WDR89: variants seen among roughly 807,000 people sequenced by gnomAD.
WDR89 encodes WD repeat domain 89, also known as WD repeat-containing protein 89.
Under a neutral mutation model 29.1 loss-of-function variants are expected in WDR89, and 17 were observed. That is an observed-to-expected ratio of 0.58 (90% confidence interval 0.40 to 0.88). The LOEUF is 0.88. WDR89 is among the 40% of genes least tolerant of loss of function. WDR89 has a pLI of 0.00. For missense variants in WDR89, 396 were observed against 456.3 expected (o/e 0.87, Z 1.20); for synonymous variants, 138 against 157.8 (o/e 0.87, Z 0.94).
At position 63,599,300 on chromosome 14, in the gene WDR89, A is replaced by G. The variant is rs768567956; in HGVS notation, c.643T>C (p.Ser215Pro). 1 of 1,614,012 alleles carries G rather than the reference A, an allele frequency of 6.2e-7. No individual in the cohort carries two copies. ...CCAATACAGCTTACTGATGAAATTG[A>G]GTTACAGGTTGTAACCAGTGCATCC... is the stretch of plus-strand genomic sequence containing the variant. ...EEDALVTTCN[S>P]ISSVSCIGWS... Residue 215 changes from serine (S) to proline (P), a missense_variant, in exon 3 of 3, where the codon TCA becomes CCA. Coordinates refer to ENST00000620954, the MANE Select transcript of WDR89 (RefSeq NM_080666.4).
At chr14:63,624,535 A>G (rs1215241798) in intron 2 of WDR89, among the ~76,000 whole-genome samples, 1 of 151,816 alleles carries the variant, frequency 6.6e-6, no homozygotes, top group African/African-American at 2.4e-5. Context: ...GAAAATGCCA[A>G]CTACAGACTG....
chr14:63,617,859 A>G (rs748155060), intron 2 of WDR89, among the ~76,000 whole-genome samples: 1 of 152,206 alleles, frequency 6.6e-6, no homozygotes, highest in Admixed American at 6.6e-5. Flanking sequence ...AATTGGTTAG[A>G]TGCCTGACAC....
At chr14:63,639,309 C>G (rs1433047498) in intron 1 of WDR89, among the ~76,000 whole-genome samples, 1 of 144,554 alleles carries the variant, frequency 6.9e-6, no homozygotes, top group Admixed American at 7.1e-5. Flanking sequence ...TGCTTGAGCC[C>G]AGGAGTTTGA....
At chr14:63,633,004 C>T (rs1346094577) in intron 1 of WDR89, among the ~76,000 whole-genome samples, 2 of 152,064 alleles carry the variant, frequency 1.3e-5, no homozygotes. Context: ...GCTTTACTAA[C>T]TATATGTTTC....
At chr14:63,603,946 G>T (rs1422149454) in intron 2 of WDR89, among the ~76,000 whole-genome samples, 1 of 152,166 alleles carries the variant, frequency 6.6e-6, no homozygotes, top group Admixed American at 6.6e-5. Context: ...TCCTGCCTCA[G>T]GACTGCAGCA....
chr14:63,638,819 T>G (rs1405443012), intron 1 of WDR89, among the ~76,000 whole-genome samples: 3 of 152,352 alleles, frequency 2.0e-5, no homozygotes, highest in African/African-American at 7.2e-5. Context: ...TGTTTTACTC[T>G]TCTTTATACC....
chr14:63,601,962 G>T, intron 2 of WDR89: 1 of 407,974 alleles, frequency 2.5e-6, no homozygotes, highest in Non-Finnish European at 4.4e-6. Context: ...CTTCTATTGT[G>T]CTTTCTCATC....
At chr14:63,605,154 C>CTG (rs1895254180) in intron 2 of WDR89, among the ~76,000 whole-genome samples, 1 of 128,390 alleles carries the variant, frequency 7.8e-6, no homozygotes, top group African/African-American at 4.5e-5. Context: ...TGCTGTCTGT[C>CTG]TCTCTCTCTC....
intron 2 of WDR89, among the ~76,000 whole-genome samples, chr14:63,611,867 T>C (rs1433780110): frequency 4.6e-5 from 7 of 151,712 alleles, no homozygotes; most frequent in Middle Eastern, 3.2e-3. Context: ...GCTGGGATTA[T>C]AGACGTGCAC....
At chr14:63,627,150 A>ACTCTCTCTCTCT (rs35230660) in intron 1 of WDR89, among the ~76,000 whole-genome samples, 9 of 127,266 alleles carry the variant, frequency 7.1e-5, no homozygotes, top group African/African-American at 9.6e-5. Context: ...ACACACACAC[A>ACTCTCTCTCTCT]CTCTCTCTCT....
chr14:63,599,453 C>T lies in WDR89; in HGVS notation c.490G>A (p.Ala164Thr). 3 of 1,614,180 alleles carry T rather than the reference C, an allele frequency of 1.9e-6. No homozygotes were observed. Among genetic ancestry groups the T allele is most frequent in the African/African-American group, 1.3e-5 (1 of 75,050 alleles). Reference sequence around the variant, plus strand: ...TCATCACTATGTGTCTCTGAATATGCACCAAGTGAGTCTTTAGTTGTAGAT... The same window carrying T: ...TCATCACTATGTGTCTCTGAATATGTACCAAGTGAGTCTTTAGTTGTAGAT... ...NLSTTKDSLG[A>T]YSETHSDDVT... is the part of the protein sequence containing the mutation. The change falls in exon 3 of 3, where the codon GCA becomes ACA. Residue 164 changes from alanine (A) to threonine (T), a missense_variant. Transcript: ENST00000620954.
chr14:63,639,565 C>T (rs1014472550), intron 1 of WDR89, among the ~76,000 whole-genome samples: 1 of 151,966 alleles, frequency 6.6e-6, no homozygotes, highest in Non-Finnish European at 1.5e-5. Context: ...GACAGTTTGG[C>T]GATAATCTGT....
At chr14:63,627,524 T>C (rs1032140115) in intron 1 of WDR89, among the ~76,000 whole-genome samples, 1 of 152,184 alleles carries the variant, frequency 6.6e-6, no homozygotes, top group Non-Finnish European at 1.5e-5. Flanking sequence ...TCCATCATTA[T>C]ATAACTGTTT....
chr14:63,598,945 T>C lies in WDR89; in HGVS notation c.998A>G (p.Asp333Gly). The C allele has an allele frequency of 6.2e-7, 1 of 1,614,238 alleles. No individual in the cohort carries two copies. The highest frequency in any genetic ancestry group is 8.5e-7 in the Non-Finnish European group (1 of 1,180,036). The change falls in exon 3 of 3, where the codon GAT becomes GGT. Residue 333 changes from aspartate (D) to glycine (G), a missense_variant. Coordinates refer to ENST00000620954, the MANE Select transcript of WDR89 (RefSeq NM_080666.4). The stretch of plus-strand genomic sequence containing the variant: ...TTCTCCTCCAGTCAACAAAGAATCA[T>C]CTTGCACATTCCAACAGAAAGAACG... Reference protein sequence around the residue: ...TVRSFCWNVQDDSLLTGGEDA... With the variant: ...TVRSFCWNVQGDSLLTGGEDA...
Position 63,597,576 on chromosome 14 carries a change from T to C in WDR89, c.*1203A>G, listed in dbSNP as rs1446242209. ...ATTACTTTTGAATTTTAAATATTTT[T>C]AATTTTAAAAAGCCCTATTGTTTTA... On this transcript the variant is annotated 3_prime_UTR_variant, in exon 3 of 3. Coordinates refer to ENST00000620954, the MANE Select transcript of WDR89 (RefSeq NM_080666.4). The C allele has an allele frequency of 6.6e-6, 1 of 152,224 alleles. No homozygotes were observed. Among genetic ancestry groups the C allele is most frequent in the African/African-American group, 2.4e-5 (1 of 41,456 alleles). The allele number at this position is 152,224 out of a possible 1,614,324, so 9.4% of individuals were successfully genotyped here. A position where few individuals can be genotyped will look rare whatever the true frequency, so the allele number is the denominator to read the frequency against.
At chr14:63,629,619 G>A (rs562279243) in intron 1 of WDR89, among the ~76,000 whole-genome samples, 1 of 152,178 alleles carries the variant, frequency 6.6e-6, no homozygotes, top group Non-Finnish European at 1.5e-5. Flanking sequence ...AGCATGAAAA[G>A]TACTGGAAGC....
chr14:63,598,936 A>G lies in WDR89; in HGVS notation c.1007T>C (p.Leu336Ser). The change falls in exon 3 of 3, where the codon TTG becomes TCG. Residue 336 changes from leucine to serine, a missense_variant. Leu to Ser is a moderately radical substitution (Grantham distance 145). Transcript: ENST00000620954. ...SFCWNVQDDSLLTGGEDAQLL... is the reference protein window; with the variant it reads ...SFCWNVQDDSSLTGGEDAQLL... ...CTGTGCATCTTCTCCTCCAGTCAACAAAGAATCATCTTGCACATTCCAACA... is the reference window on the plus strand; with the variant it reads ...CTGTGCATCTTCTCCTCCAGTCAACGAAGAATCATCTTGCACATTCCAACA... 2 of 1,614,228 alleles carry G rather than the reference A, an allele frequency of 1.2e-6. No individual in the cohort carries two copies. The highest frequency in any genetic ancestry group is 1.7e-6 in the Non-Finnish European group (2 of 1,180,032).
intron 2 of WDR89, among the ~76,000 whole-genome samples, chr14:63,607,881 C>CAAAA (rs770768578): frequency 3.1e-4 from 19 of 62,014 alleles, no homozygotes; most frequent in African/African-American, 1.1e-3. Flanking sequence ...AAGTCTGACT[C>CAAAA]AAAAAAAAAA....
chr14:63,635,990 T>A (rs948432917), intron 1 of WDR89, among the ~76,000 whole-genome samples: 10 of 152,094 alleles, frequency 6.6e-5, no homozygotes, highest in Admixed American at 6.6e-5. Context: ...GTGGATCACT[T>A]GAGGTCAGGA....
Sources: gnomAD v4.1 joint callset for allele counts (sites outside exome capture counted in the v4.1 genomes callset) on GRCh38, gnomAD v4.1.1 for gene constraint, MANE v1.5 for transcripts, NCBI Gene and HGNC (gene_info 2026-07-23, HGNC 2026-07-21) for gene names.